NADK2: variants seen among roughly 807,000 people sequenced by gnomAD.
The protein encoded by NADK2 is NAD kinase domain-containing protein 1, mitochondrial.
In NADK2, 35 loss-of-function variants were observed where a neutral mutation model predicts 62.1. The ratio of observed to expected loss-of-function variants is 0.56; its 90% CI spans 0.43 to 0.75. The LOEUF is 0.75. Ranked by LOEUF, NADK2 falls within the 30% of genes least tolerant of loss-of-function variation. The pLI, the probability that NADK2 is intolerant of heterozygous loss-of-function variation, is 0.00. For synonymous variants in NADK2, 205 were observed against 207.9 expected, an observed-to-expected ratio of 0.99 and a Z score of 0.12; for missense variants, 439 against 561.3, an observed-to-expected ratio of 0.78 and a Z score of 2.20.
intron 4 of NADK2, among the ~76,000 whole-genome samples, chr5:36,224,865 A>G (rs1747423205): frequency 6.6e-6 from 1 of 152,166 alleles, no homozygotes; most frequent in Non-Finnish European, 1.5e-5. Context: ...AAGTGCCAAT[A>G]GTGTTTTTAT....
intron 6 of NADK2, among the ~76,000 whole-genome samples, chr5:36,213,461 A>G (rs1746924135): frequency 1.3e-5 from 2 of 151,480 alleles, no homozygotes; most frequent in Admixed American, 1.3e-4. Context: ...TTTCTTTTGG[A>G]CTATAACTGC....
intron 1 of NADK2, among the ~76,000 whole-genome samples, chr5:36,234,229 C>T (rs918530981): frequency 2.0e-5 from 3 of 151,040 alleles, no homozygotes; most frequent in South Asian, 2.1e-4. Flanking sequence ...AAAAATTAGC[C>T]GGGCATGGTG....
intron 1 of NADK2, among the ~76,000 whole-genome samples, chr5:36,230,333 G>A (rs1747661181): frequency 1.3e-5 from 2 of 152,148 alleles, no homozygotes; most frequent in African/African-American, 4.8e-5. Context: ...TTTAACCCTG[G>A]GGTGCCAGGA....
At position 36,241,679 on chromosome 5, in the gene NADK2, G is replaced by C; in HGVS notation, c.120C>G (p.Asp40Glu). The change falls in exon 1 of 12, where the codon GAC becomes GAG. Residue 40 changes from aspartate (D) to glutamate (E), a missense_variant. Physicochemically the swap from Asp to Glu is conservative, Grantham distance 45 (BLOSUM62 2). Coordinates refer to ENST00000381937, the MANE Select transcript of NADK2 (RefSeq NM_001085411.3). This position sits in a 1 kb window ranked among gnomAD's most constrained non-coding sequence, Gnocchi z 4.9. ...GPAARPRLGGDGGGRRHLGQG... is the reference protein window; with the variant it reads ...GPAARPRLGGEGGGRRHLGQG... ...GCCCCAGGTGCCGCCGGCCGCCACC[G>C]TCACCGCCCAGCCGGGGCCGCGCGG... is the stretch of plus-strand genomic sequence containing the variant. The C allele has an allele frequency of 8.4e-7, 1 of 1,186,096 alleles. No individual in the cohort carries two copies. The highest frequency in any genetic ancestry group is 1.0e-6 in the Non-Finnish European group (1 of 961,130). The allele number at this position is 1,186,096 out of a possible 1,614,324, so 73.5% of individuals were successfully genotyped here. A position where few individuals can be genotyped will look rare whatever the true frequency, so the allele number is the denominator to read the frequency against.
chr5:36,235,479 T>C (rs1747869204), intron 1 of NADK2, among the ~76,000 whole-genome samples: 1 of 152,212 alleles, frequency 6.6e-6, no homozygotes, highest in Admixed American at 6.5e-5. Flanking sequence ...TTACTATAAA[T>C]ATTTCAAAGC....
chr5:36,199,811 G>C (rs1746371545), intron 10 of NADK2, among the ~76,000 whole-genome samples: 1 of 151,902 alleles, frequency 6.6e-6, no homozygotes, highest in South Asian at 2.1e-4. Context: ...GGAATCGTGA[G>C]GTAATCAGGC....
chr5:36,224,718 GCTACAGT>G (rs1357820669), intron 4 of NADK2, among the ~76,000 whole-genome samples: 6 of 152,100 alleles, frequency 3.9e-5, no homozygotes, highest in Admixed American at 1.3e-4. Context: ...AAGGTAGAAG[GCTACAGT>G]CAGAGTGGAA....
At chr5:36,208,552 TTA>T in intron 7 of NADK2, 1 of 1,060,032 alleles carries the variant, frequency 9.4e-7, no homozygotes, top group Non-Finnish European at 1.4e-6. Flanking sequence ...CATGCAAGAT[TTA>T]TCAAGATTAG....
chr5:36,203,671 C>G (rs979680400), intron 8 of NADK2, among the ~76,000 whole-genome samples: 2 of 152,042 alleles, frequency 1.3e-5, no homozygotes, highest in Non-Finnish European at 2.9e-5. Flanking sequence ...CTACTGGGTG[C>G]ATGTGGGAGG....
intron 8 of NADK2, among the ~76,000 whole-genome samples, chr5:36,206,144 G>C (rs930681644): frequency 6.6e-6 from 1 of 151,952 alleles, no homozygotes; most frequent in African/African-American, 2.4e-5. Flanking sequence ...GGCCTTTTGT[G>C]GGGTGGGAGA....
At chr5:36,239,416 T>C (rs1169945705) in intron 1 of NADK2, among the ~76,000 whole-genome samples, 1 of 152,138 alleles carries the variant, frequency 6.6e-6, no homozygotes, top group Non-Finnish European at 1.5e-5. Flanking sequence ...AAAACTGTAA[T>C]GACAACACCA....
chr5:36,219,094 AC>A (rs1561067085), intron 5 of NADK2, among the ~76,000 whole-genome samples: 1 of 152,210 alleles, frequency 6.6e-6, no homozygotes, highest in African/African-American at 2.4e-5. Context: ...CACAATTCCA[AC>A]TGGACTAGGA....
At chr5:36,216,982 A>T (rs987665737) in intron 6 of NADK2, among the ~76,000 whole-genome samples, 1 of 152,126 alleles carries the variant, frequency 6.6e-6, no homozygotes, top group Non-Finnish European at 1.5e-5. Flanking sequence ...TCTTAGAAAC[A>T]TGCTAACCTA....
intron 1 of NADK2, among the ~76,000 whole-genome samples, chr5:36,240,167 T>C (rs902118309): frequency 5.9e-5 from 9 of 152,198 alleles, no homozygotes; most frequent in African/African-American, 1.9e-4. Context: ...CAAACTCAAC[T>C]ACTCTAACCT....
intron 1 of NADK2, among the ~76,000 whole-genome samples, chr5:36,238,639 A>T (rs759369568): frequency 6.6e-6 from 1 of 152,172 alleles, no homozygotes; most frequent in Non-Finnish European, 1.5e-5. Flanking sequence ...TGTTAATAGC[A>T]ATTGCACATT....
At chr5:36,216,758 G>A (rs1747059600) in intron 6 of NADK2, among the ~76,000 whole-genome samples, 1 of 152,106 alleles carries the variant, frequency 6.6e-6, no homozygotes, top group African/African-American at 2.4e-5. Context: ...GACTGCTGGT[G>A]AAGACAGTCA....
intron 1 of NADK2, among the ~76,000 whole-genome samples, chr5:36,239,243 C>T (rs1294071756): frequency 1.3e-5 from 2 of 152,166 alleles, no homozygotes; most frequent in African/African-American, 4.8e-5. Context: ...CATCTTATCA[C>T]TCCTATTACA....
intron 1 of NADK2, among the ~76,000 whole-genome samples, chr5:36,229,078 G>C (rs748002079): frequency 6.6e-6 from 1 of 152,090 alleles, no homozygotes; most frequent in Non-Finnish European, 1.5e-5. Context: ...AAAGAAAATT[G>C]AAATCAAATA....
intron 6 of NADK2, among the ~76,000 whole-genome samples, chr5:36,216,778 T>C (rs886950524): frequency 2.6e-5 from 4 of 152,136 alleles, no homozygotes; most frequent in Non-Finnish European, 4.4e-5. Context: ...AAATCTACCA[T>C]CTATTAGTGG....
Sources: allele counts gnomAD v4.1 joint callset (sites outside exome capture counted in the v4.1 genomes callset), GRCh38; gene constraint gnomAD v4.1.1; non-coding constraint Gnocchi (gnomAD v3.1); transcripts MANE v1.5; gene names NCBI Gene and HGNC (gene_info 2026-07-23, HGNC 2026-07-21).